The following LPP variants were observed in gnomAD, a reference collection of about 807,000 sequenced individuals.
LPP encodes the protein LIM domain containing preferred translocation partner in lipoma.
A neutral mutation model predicts 60.4 loss-of-function variants in LPP; 38 were observed. The ratio of observed to expected loss-of-function variants is 0.63; its 90% CI spans 0.49 to 0.83. The LOEUF is 0.83. LPP is among the 40% of genes least tolerant of loss of function. The pLI, the probability that LPP is intolerant of heterozygous loss-of-function variation, is 0.00. For synonymous variants in LPP, 328 were observed against 290.8 expected (o/e 1.13, Z -1.30); for missense variants, 902 against 783.6 (o/e 1.15, Z -1.80).
intron 7 of LPP, among the ~76,000 whole-genome samples, chr3:188,670,023 T>G (rs940178618): frequency 9.2e-5 from 14 of 152,124 alleles, no homozygotes; most frequent in Admixed American, 6.5e-4. Flanking sequence ...AAACACCACA[T>G]GTTCTCACTC....
chr3:188,461,982 A>T (rs1157432131), intron 4 of LPP, among the ~76,000 whole-genome samples: 2 of 152,158 alleles, frequency 1.3e-5, no homozygotes, highest in South Asian at 4.1e-4. Context: ...TTAAAGTTTG[A>T]TATTTACCAA....
intron 9 of LPP, among the ~76,000 whole-genome samples, chr3:188,798,426 G>C (rs146702600): frequency 2.0e-5 from 3 of 152,138 alleles, no homozygotes; most frequent in Non-Finnish European, 4.4e-5. Context: ...AATAAGGCCT[G>C]TTGAGACATT....
chr3:188,228,840 G>T (rs1718800975), intron 2 of LPP, among the ~76,000 whole-genome samples: 1 of 152,160 alleles, frequency 6.6e-6, no homozygotes, highest in Non-Finnish European at 1.5e-5. Context: ...TCTCATGTTT[G>T]CTTAGAGCAA....
chr3:188,170,948 C>A (rs1262675846), intron 1 of LPP, among the ~76,000 whole-genome samples: 1 of 152,160 alleles, frequency 6.6e-6, no homozygotes, highest in Non-Finnish European at 1.5e-5. Context: ...TCTGCCATAT[C>A]ATGGGAGATT....
chr3:188,549,059 A>G (rs1420035943), intron 6 of LPP, among the ~76,000 whole-genome samples: 4 of 152,228 alleles, frequency 2.6e-5, no homozygotes, highest in African/African-American at 4.8e-5. Flanking sequence ...ATTTGAGATG[A>G]TGAATGTGCT....
At chr3:188,678,846 T>G (rs111485164) in intron 7 of LPP, among the ~76,000 whole-genome samples, 1 of 152,168 alleles carries the variant, frequency 6.6e-6, no homozygotes, top group East Asian at 1.9e-4. Flanking sequence ...AAAGCCAGAC[T>G]CAAATGAGTA....
In LPP at chr3:188,572,956, A is replaced by G. The variant is rs111752896; in HGVS notation, c.430-36205A>G. Reference sequence around the variant, plus strand: ...CTGGATGTAATACATGTCACTTCTTATATAGCTCCTTAGCCAAAACTATTC... The same window carrying G: ...CTGGATGTAATACATGTCACTTCTTGTATAGCTCCTTAGCCAAAACTATTC... On this transcript the variant is annotated intron_variant, in intron 6 of 11. Transcript: ENST00000617246. This position sits in a 1 kb window ranked among gnomAD's most constrained non-coding sequence, Gnocchi z 4.1. Among the ~76,000 whole-genome samples the G allele has an allele frequency of 5.7e-3, 862 of 152,230 alleles. 10 individuals are homozygous for G. The highest frequency in any genetic ancestry group is 0.02 in the African/African-American group (831 of 41,550).
chr3:188,676,678 A>T (rs570124693), intron 7 of LPP, among the ~76,000 whole-genome samples: 2 of 152,176 alleles, frequency 1.3e-5, no homozygotes, highest in Non-Finnish European at 2.9e-5. Flanking sequence ...TTAAAGACCA[A>T]TGTGGCCTTA....
chr3:188,688,591 T>C (rs1323464957), intron 7 of LPP, among the ~76,000 whole-genome samples: 1 of 152,188 alleles, frequency 6.6e-6, no homozygotes, highest in Non-Finnish European at 1.5e-5. Flanking sequence ...ACTTTCTAAG[T>C]AGTACTCAGG....
rs151202184 is a variant in LPP at position 188,708,281 on chromosome 3, G to T, written c.1128G>T (p.Gly376=). 5 of 1,614,018 alleles carry T rather than the reference G, an allele frequency of 3.1e-6. No individual in the cohort carries two copies. The highest frequency in any genetic ancestry group is 4.2e-6 in the Non-Finnish European group (5 of 1,179,996). ...PPLQPKGGHS[G]QLGPSSVAPS... is the part of the protein sequence containing the mutation. ...CTGCCTTTCAGGGTGGCCATTCAGG[G>T]CAACTGGGGCCTTCGTCAGTTGCCC... The change falls in exon 8 of 12, where the codon GGG becomes GGT. Residue 376 remains glycine (G), a synonymous_variant. Transcript: ENST00000617246.
At chr3:188,189,761 G>C (rs962187695) in intron 1 of LPP, among the ~76,000 whole-genome samples, 3 of 152,208 alleles carry the variant, frequency 2.0e-5, no homozygotes, top group African/African-American at 7.2e-5. Context: ...AATGTGGTTG[G>C]CTCCAACTGT....
chr3:188,597,650 C>T (rs941326937), intron 6 of LPP, among the ~76,000 whole-genome samples: 1 of 152,088 alleles, frequency 6.6e-6, no homozygotes, highest in African/African-American at 2.4e-5. Flanking sequence ...ATACTTAAAT[C>T]TTCTTAGATG....
At chr3:188,491,251 T>C (rs1202883942) in intron 5 of LPP, among the ~76,000 whole-genome samples, 1 of 152,180 alleles carries the variant, frequency 6.6e-6, no homozygotes. Context: ...AGTCTGTCTT[T>C]CTGCTGCCGG....
At chr3:188,787,313 G>C (rs55692371) in intron 9 of LPP, among the ~76,000 whole-genome samples, 21,205 of 151,666 alleles carry the variant, frequency 0.14, 1,519 homozygotes, top group Middle Eastern at 0.19. Flanking sequence ...TTATAGAAAA[G>C]GCAATTTTAG....
chr3:188,552,798 T>C (rs762888347), intron 6 of LPP, among the ~76,000 whole-genome samples: 1 of 152,192 alleles, frequency 6.6e-6, no homozygotes, highest in Non-Finnish European at 1.5e-5. Flanking sequence ...CAGGCTAATC[T>C]CCCTGTCTCA....
intron 1 of LPP, among the ~76,000 whole-genome samples, chr3:188,159,073 C>T (rs867649305): frequency 1.9e-4 from 29 of 152,192 alleles, no homozygotes; most frequent in Admixed American, 5.9e-4. Flanking sequence ...GCTCGCTTCC[C>T]CAGTCCCTTG....
At chr3:188,407,204 AC>A (rs11335233) in intron 4 of LPP, among the ~76,000 whole-genome samples, 51,758 of 151,880 alleles carry the variant, frequency 0.34, 10,587 homozygotes, top group Middle Eastern at 0.6. Flanking sequence ...TTAATATCTT[AC>A]CCTCTTCATG....
chr3:188,263,764 T>G (rs1283507419), intron 2 of LPP, among the ~76,000 whole-genome samples: 1 of 152,236 alleles, frequency 6.6e-6, no homozygotes, highest in Non-Finnish European at 1.5e-5. Context: ...ACTGATAGCA[T>G]TTTTCTTTTG....
At chr3:188,624,913 C>T (rs1846542833) in intron 7 of LPP, among the ~76,000 whole-genome samples, 1 of 151,638 alleles carries the variant, frequency 6.6e-6, no homozygotes, top group Non-Finnish European at 1.5e-5. Context: ...TTCCTTCTTT[C>T]CTCCCTTCCT....
Sources: allele counts gnomAD v4.1 joint callset (sites outside exome capture counted in the v4.1 genomes callset), GRCh38; gene constraint gnomAD v4.1.1; non-coding constraint Gnocchi (gnomAD v3.1); transcripts MANE v1.5; gene names NCBI Gene and HGNC (gene_info 2026-07-23, HGNC 2026-07-21).